Variants in NEMP2 observed in about 807,000 individuals in gnomAD.
NEMP2 encodes UPF0571 transmembrane protein.
In NEMP2, 53 loss-of-function variants were observed where a neutral mutation model predicts 54.2. The observed-to-expected ratio is 0.98, with a 90% CI of 0.78 to 1.23. The LOEUF (loss-of-function observed/expected upper bound fraction) is 1.23. NEMP2 is among the 50% of genes most tolerant of loss of function. The pLI, the probability that NEMP2 is intolerant of heterozygous loss-of-function variation, is 0.00. For synonymous variants in NEMP2, 197 were observed against 190.3 expected (o/e 1.04, Z -0.29); for missense variants, 455 against 511.3 (o/e 0.89, Z 1.06).
the NEMP2 span, among the ~76,000 whole-genome samples, chr2:190,606,907 T>G: frequency 2.0e-5 from 3 of 152,232 alleles, no homozygotes; most frequent in African/African-American, 7.2e-5. Context: ...TAAAGAAATC[T>G]TATTCAAATA....
chr2:190,473,353 A>G, the NEMP2 span, among the ~76,000 whole-genome samples: 1 of 152,238 alleles, frequency 6.6e-6, no homozygotes, highest in African/African-American at 2.4e-5. Flanking sequence ...TCTCACGTGC[A>G]GAAACACACA....
chr2:190,619,435 G>C, the NEMP2 span, among the ~76,000 whole-genome samples: 1 of 151,988 alleles, frequency 6.6e-6, no homozygotes. This position sits in a 1 kb window ranked among gnomAD's most constrained non-coding sequence, Gnocchi z 5.5. Flanking sequence ...AGGAGTTTGA[G>C]GTTGCAGTGG....
chr2:190,422,790 A>AT, the NEMP2 span, among the ~76,000 whole-genome samples: 1 of 150,760 alleles, frequency 6.6e-6, no homozygotes, highest in South Asian at 2.1e-4. Context: ...TCTTCCCTTA[A>AT]TTTTTTTCTT....
downstream of NEMP2, chr2:190,500,511 C>A: frequency 2.8e-6 from 1 of 356,580 alleles, no homozygotes; most frequent in Non-Finnish European, 5.1e-6. This position sits in a 1 kb window ranked among gnomAD's most constrained non-coding sequence, Gnocchi z 5.3. Context: ...TCTGCCAGTG[C>A]AGTAAGAGTT....
chr2:190,531,297 G>C lies in NEMP2; in HGVS notation c.97+3262C>G, dbSNP rs1426809987. ...CAAGCCTGAATCAGATCGGGAGAAA[G>C]ATCTGGAAGTGTAGGCTATCCCAGG... On this transcript the variant is annotated intron_variant, in intron 1 of 8. Transcript: ENST00000409150. The surrounding 1 kb of genome is among the most constrained non-coding windows in gnomAD (Gnocchi z 4.7). Among the ~76,000 whole-genome samples, 1 of 152,212 alleles carries C rather than the reference G, an allele frequency of 6.6e-6. No individual in the cohort carries two copies. Among genetic ancestry groups the C allele is most frequent in the African/African-American group, 2.4e-5 (1 of 41,458 alleles).
At chr2:190,566,800 TA>T in the NEMP2 span, among the ~76,000 whole-genome samples, 1 of 151,202 alleles carries the variant, frequency 6.6e-6, no homozygotes, top group Non-Finnish European at 1.5e-5. Context: ...ACCTAGGAAA[TA>T]TAGGGGGTTT....
the NEMP2 span, among the ~76,000 whole-genome samples, chr2:190,640,722 GT>G: frequency 6.8e-6 from 1 of 147,456 alleles, no homozygotes; most frequent in Admixed American, 6.8e-5. Context: ...AGAAGGCAGT[GT>G]TGAGTAATTT....
chr2:190,465,326 TTATTAC>T, the NEMP2 span, among the ~76,000 whole-genome samples: 1 of 152,220 alleles, frequency 6.6e-6, no homozygotes, highest in Non-Finnish European at 1.5e-5. The surrounding 1 kb of genome is among the most constrained non-coding windows in gnomAD (Gnocchi z 4.6). Flanking sequence ...TTGTCTATTT[TTATTAC>T]TACTGACTTC....
Position 190,508,954 on chromosome 2 carries a change from G to T in NEMP2, c.*235C>A, listed in dbSNP as rs1690262767. ...TGAAAGCCTTCATTCAAGGTAAGTG[G>T]TAGTGGCTGTCACAGAATTTTGGTA... On this transcript the variant is annotated 3_prime_UTR_variant, in exon 9 of 9. Transcript: ENST00000409150. The surrounding 1 kb of genome is among the most constrained non-coding windows in gnomAD (Gnocchi z 4.3). 1.2e-5 allele frequency: 6 copies of T among 517,540 alleles called. No individual in the cohort carries two copies. Among genetic ancestry groups the T allele is most frequent in the African/African-American group, 7.7e-5 (4 of 52,060 alleles). The allele number at this position is 517,540 out of a possible 1,614,324, so 32.1% of individuals were successfully genotyped here.
At chr2:190,572,244 G>T in the NEMP2 span, among the ~76,000 whole-genome samples, 3 of 152,002 alleles carry the variant, frequency 2.0e-5, no homozygotes, top group African/African-American at 4.8e-5. Context: ...TTAGAATAAA[G>T]AAATCTCAGG....
At chr2:190,485,015 T>C in the NEMP2 span, among the ~76,000 whole-genome samples, 1 of 152,212 alleles carries the variant, frequency 6.6e-6, no homozygotes, top group Non-Finnish European at 1.5e-5. The surrounding 1 kb of genome is among the most constrained non-coding windows in gnomAD (Gnocchi z 5.1). Context: ...AAAAGCAATA[T>C]AGAAACTAGA....
At chr2:190,553,394 A>T in the NEMP2 span, 47 of 152,344 alleles carry the variant, frequency 3.1e-4, no homozygotes, top group African/African-American at 1.1e-3. Flanking sequence ...TGTGGAAAGA[A>T]GTAGAAACCT....
the NEMP2 span, among the ~76,000 whole-genome samples, chr2:190,550,639 C>A: frequency 6.6e-6 from 1 of 152,070 alleles, no homozygotes; most frequent in African/African-American, 2.4e-5. The surrounding 1 kb of genome is among the most constrained non-coding windows in gnomAD (Gnocchi z 4.7). Flanking sequence ...ATATCATCTC[C>A]CTTCTCTATT....
rs2125345728 is a variant in NEMP2 at position 190,529,340 on chromosome 2, C to T, written c.98-3962G>A. ...TCCCTCCTCCACCTTCCCTCCCAGCCCACTGCTCCAGCCACAGCTGGCCTT... is the reference window on the plus strand; with the variant it reads ...TCCCTCCTCCACCTTCCCTCCCAGCTCACTGCTCCAGCCACAGCTGGCCTT... On this transcript the variant is annotated intron_variant, in intron 1 of 8. Transcript: ENST00000409150. This position sits in a 1 kb window ranked among gnomAD's most constrained non-coding sequence, Gnocchi z 4.7. 6.6e-6 allele frequency among the ~76,000 whole-genome samples: 1 copy of T among 152,278 alleles called. No homozygotes were observed. The highest frequency in any genetic ancestry group is 1.5e-5 in the Non-Finnish European group (1 of 68,032).
chr2:190,589,438 T>C, the NEMP2 span, among the ~76,000 whole-genome samples: 1 of 152,186 alleles, frequency 6.6e-6, no homozygotes, highest in Non-Finnish European at 1.5e-5. This position sits in a 1 kb window ranked among gnomAD's most constrained non-coding sequence, Gnocchi z 4.3. Flanking sequence ...TCAAATGTGA[T>C]GAAAATGTCA....
At chr2:190,570,762 C>T in the NEMP2 span, among the ~76,000 whole-genome samples, 9 of 152,244 alleles carry the variant, frequency 5.9e-5, no homozygotes, top group Non-Finnish European at 1.2e-4. The surrounding 1 kb of genome is among the most constrained non-coding windows in gnomAD (Gnocchi z 5.4). Context: ...GTGCTATGTC[C>T]AGCTTAAAAT....
the NEMP2 span, among the ~76,000 whole-genome samples, chr2:190,431,194 G>A: frequency 9.2e-5 from 14 of 151,784 alleles, no homozygotes; most frequent in South Asian, 1.0e-3. The surrounding 1 kb of genome is among the most constrained non-coding windows in gnomAD (Gnocchi z 4.4). Context: ...GATGGTGGCC[G>A]GGAAGAGGCG....
At chr2:190,536,872 C>T (rs1054539466), upstream of NEMP2, among the ~76,000 whole-genome samples, 7 of 152,206 alleles carry the variant, frequency 4.6e-5, no homozygotes, top group Non-Finnish European at 8.8e-5. Context: ...ACTAGATTGA[C>T]TCAACTACCC....
Position 190,530,579 on chromosome 2 carries a change from A to T in NEMP2, c.97+3980T>A, listed in dbSNP as rs1470397190. Among the ~76,000 whole-genome samples the T allele has an allele frequency of 6.6e-6, 1 of 152,186 alleles. No individual in the cohort carries two copies. Among genetic ancestry groups the T allele is most frequent in the African/African-American group, 2.4e-5 (1 of 41,436 alleles). On this transcript the variant is annotated intron_variant, in intron 1 of 8. Coordinates refer to ENST00000409150, the MANE Select transcript of NEMP2 (RefSeq NM_001142645.2). This position sits in a 1 kb window ranked among gnomAD's most constrained non-coding sequence, Gnocchi z 4.6. ...TCTCTCTAGAGAGAACAGATCTTCC[A>T]ATCTTAGATTGATTATAAAGGCTGT...
Sources: gnomAD v4.1 joint callset for allele counts (sites outside exome capture counted in the v4.1 genomes callset) on GRCh38, gnomAD v4.1.1 for gene constraint, Gnocchi (gnomAD v3.1) non-coding constraint, MANE v1.5 for transcripts, NCBI Gene and HGNC (gene_info 2026-07-23, HGNC 2026-07-21) for gene names.